LIPH: variants seen among roughly 807,000 people sequenced by gnomAD.
LIPH encodes lipase H.
A neutral mutation model predicts 47.6 loss-of-function variants in LIPH; 32 were observed. The ratio of observed to expected loss-of-function variants is 0.67; its 90% CI spans 0.51 to 0.90. LIPH has a LOEUF of 0.90. LIPH is among the 40% of genes least tolerant of loss of function. The pLI is 0.00. For missense variants in LIPH, 497 were observed against 541.4 expected (o/e 0.92, Z 0.81); for synonymous variants, 190 against 195.6 (o/e 0.97, Z 0.24).
At chr3:185,545,969 T>TA (rs1166635289) in intron 1 of LIPH, among the ~76,000 whole-genome samples, 8 of 150,138 alleles carry the variant, frequency 5.3e-5, no homozygotes, top group Admixed American at 3.3e-4. Flanking sequence ...CAGCCTGGCC[T>TA]ACATGGTGAA....
Position 185,549,745 on chromosome 3 carries a change from T to C in LIPH, c.49+2678A>G, listed in dbSNP as rs542550268. Among the ~76,000 whole-genome samples the C allele has an allele frequency of 2.0e-5, 3 of 152,262 alleles. 1 individual carries two copies. In the South Asian group the frequency reaches 6.2e-4, roughly 32 times the overall value. On this transcript the variant is annotated intron_variant, in intron 1 of 9. Transcript: ENST00000296252. ...TTCAGCCAGGCTGAAGTGCAGTGGC[T>C]ACTCAGAGGCACAGTCATAGCTCAC...
chr3:185,550,365 C>A (rs761228841), intron 1 of LIPH, among the ~76,000 whole-genome samples: 1 of 152,078 alleles, frequency 6.6e-6, no homozygotes, highest in Non-Finnish European at 1.5e-5. Flanking sequence ...CAGTGACAGT[C>A]TTCTAGAATC....
intron 1 of LIPH, among the ~76,000 whole-genome samples, chr3:185,546,395 G>T (rs1720874492): frequency 6.6e-6 from 1 of 151,272 alleles, no homozygotes; most frequent in African/African-American, 2.4e-5. Flanking sequence ...GCATGGTGGT[G>T]CAGGCCTATA....
At chr3:185,514,169 A>C (rs1300797610) in intron 8 of LIPH, among the ~76,000 whole-genome samples, 1 of 152,024 alleles carries the variant, frequency 6.6e-6, no homozygotes, top group African/African-American at 2.4e-5. Flanking sequence ...GGAAAAAGGG[A>C]GGAAGCAAAG....
chr3:185,551,088 C>T lies in LIPH; in HGVS notation c.49+1335G>A, dbSNP rs886893109. ...ATTTGGGAGGCTGAGGCAGGAGAAT[C>T]GCGTGAACCAGGGAGGGGGAGGTTG... On this transcript the variant is annotated intron_variant, in intron 1 of 9. Transcript: ENST00000296252. 1.1e-4 allele frequency among the ~76,000 whole-genome samples: 16 copies of T among 152,108 alleles called. No individual in the cohort carries two copies. The East Asian group carries it at 1.2e-3, about 11-fold the overall frequency.
chr3:185,547,718 G>C (rs2148966726), intron 1 of LIPH, among the ~76,000 whole-genome samples: 1 of 152,024 alleles, frequency 6.6e-6, no homozygotes, highest in African/African-American at 2.4e-5. Flanking sequence ...CCAGTTACTT[G>C]GGAGGCTGAG....
In LIPH at chr3:185,546,800, G is replaced by A. The variant is rs1008620449; in HGVS notation, c.49+5623C>T. The A allele has an allele frequency of 8.4e-6, 3 of 356,862 alleles. No homozygotes were observed. The Admixed American group carries it at 1.2e-4, about 15-fold the overall frequency. 22.1% of individuals were successfully genotyped at this position (356,862 alleles called of 1,614,324 possible). A position where few individuals can be genotyped will look rare whatever the true frequency, so the allele number is the denominator to read the frequency against. Reference sequence around the variant, plus strand: ...AGCCTGGGCAACAGAGTAAGAACTTGTCTAAAAACAAACAAAAAACAAAAC... The same window carrying A: ...AGCCTGGGCAACAGAGTAAGAACTTATCTAAAAACAAACAAAAAACAAAAC... On this transcript the variant is annotated intron_variant, in intron 1 of 9. Coordinates refer to ENST00000296252, the MANE Select transcript of LIPH (RefSeq NM_139248.3).
At chr3:185,520,879 T>TC (rs1719881141) in intron 5 of LIPH, among the ~76,000 whole-genome samples, 1 of 150,950 alleles carries the variant, frequency 6.6e-6, no homozygotes. Flanking sequence ...TATCTTTTTT[T>TC]TTTTTTTTGA....
chr3:185,547,228 A>G (rs921738127), intron 1 of LIPH, among the ~76,000 whole-genome samples: 10 of 152,154 alleles, frequency 6.6e-5, no homozygotes, highest in Non-Finnish European at 1.5e-4. Context: ...CCAAACCTAC[A>G]TTACAGAAGT....
intron 3 of LIPH, among the ~76,000 whole-genome samples, chr3:185,531,510 T>A (rs764113260): frequency 1.3e-5 from 2 of 148,784 alleles, no homozygotes; most frequent in African/African-American, 2.5e-5. Flanking sequence ...TGAGCCATGA[T>A]CATGCCACTA....
chr3:185,538,865 ATATATACACATATATATACATATATACG>A (rs1449329266), intron 1 of LIPH, among the ~76,000 whole-genome samples: 18 of 146,484 alleles, frequency 1.2e-4, no homozygotes, highest in South Asian at 4.2e-4. Flanking sequence ...ACATATATAC[ATATATACACATATATATACATATATACG>A]TATATACACA....
In LIPH at chr3:185,550,982, C is replaced by T. The variant is rs140651704; in HGVS notation, c.49+1441G>A. Among the ~76,000 whole-genome samples, 874 of 152,258 alleles carry T rather than the reference C, an allele frequency of 5.7e-3. 6 individuals are homozygous for T. Among genetic ancestry groups the T allele is most frequent in the African/African-American group, 0.02 (817 of 41,560 alleles). On this transcript the variant is annotated intron_variant, in intron 1 of 9. Transcript: ENST00000296252. ...GGTGGATCACAGGATTGAGACCATC[C>T]TGGCCAACGTGGTGAAACCTCATCT...
intron 9 of LIPH, 28 bp from the exon 10 acceptor site, chr3:185,508,905 T>A (rs1239258958): frequency 1.5e-6 from 2 of 1,331,642 alleles, no homozygotes; most frequent in African/African-American, 2.9e-5. Flanking sequence ...AATATCCTTG[T>A]AAATGAATTT....
At position 185,529,591 on chromosome 3, in the gene LIPH, C is replaced by T. The variant is rs564155279; in HGVS notation, c.527-2006G>A. 2.6e-5 allele frequency among the ~76,000 whole-genome samples: 4 copies of T among 151,082 alleles called. No individual in the cohort carries two copies. The South Asian group carries it at 6.3e-4, about 24-fold the overall frequency. On this transcript the variant is annotated intron_variant, in intron 3 of 9. Transcript: ENST00000296252. ...CCACACCTAGCCTACCTGGTTCTAG[C>T]TTTAATCCCTCCATTTCAGCTGGTC...
At position 185,519,329 on chromosome 3, in the gene LIPH, A is replaced by C; in HGVS notation, c.719-20T>G. 3 of 1,577,164 alleles carry C rather than the reference A, an allele frequency of 1.9e-6. No homozygotes were observed. Among genetic ancestry groups the C allele is most frequent in the Non-Finnish European group, 2.6e-6 (3 of 1,146,902 alleles). On this transcript the variant is annotated intron_variant, in intron 5 of 9. Transcript: ENST00000296252. Reference sequence around the variant, plus strand: ...GAAATCCTTGGTTGTAAAAGAAGTGATGAAAGAGTAGAGCGGTTGAAGCAT... The same window carrying C: ...GAAATCCTTGGTTGTAAAAGAAGTGCTGAAAGAGTAGAGCGGTTGAAGCAT...
At chr3:185,519,982 C>T (rs569990862) in intron 5 of LIPH, among the ~76,000 whole-genome samples, 1 of 151,982 alleles carries the variant, frequency 6.6e-6, no homozygotes, top group South Asian at 2.1e-4. Flanking sequence ...CAGGTCCACC[C>T]TCAAATATTT....
At position 185,511,674 on chromosome 3, in the gene LIPH, T is replaced by C. The variant is rs768835064; in HGVS notation, c.1118A>G (p.Tyr373Cys). Residue 373 changes from tyrosine to cysteine, a missense_variant, in exon 9 of 10, where the codon TAT becomes TGT. By Grantham distance (194) the Tyr-to-Cys change is radical. Transcript: ENST00000296252. ...TCTTGCAAGTAGACTCACTTGGTGA[T>C]ATTTCTGAAATGTGGTGGGTTCACT... ...INHEPTTFQK[Y>C]HQVSLLARFN... The C allele has an allele frequency of 1.9e-5, 30 of 1,613,078 alleles. No homozygotes were observed. In the South Asian group the frequency reaches 3.3e-4, roughly 18 times the overall value.
At chr3:185,535,244 G>T in intron 1 of LIPH, 112 bp from the exon 2 acceptor site, 1 of 1,266,316 alleles carries the variant, frequency 7.9e-7, no homozygotes. Flanking sequence ...ATAGGACCTG[G>T]CTAAGGGCTG....
chr3:185,552,176 A>C (rs1721067382), intron 1 of LIPH, among the ~76,000 whole-genome samples: 1 of 151,874 alleles, frequency 6.6e-6, no homozygotes, highest in Non-Finnish European at 1.5e-5. Flanking sequence ...TAATTCAAAG[A>C]CATAATAGCT....
Sources: gnomAD v4.1 joint callset for allele counts (sites outside exome capture counted in the v4.1 genomes callset) on GRCh38, gnomAD v4.1.1 for gene constraint, MANE v1.5 for transcripts, NCBI Gene and HGNC (gene_info 2026-07-23, HGNC 2026-07-21) for gene names.